Variants in RAB8B observed in about 807,000 individuals in gnomAD.
The protein encoded by RAB8B is ras-related protein Rab-8B.
A neutral mutation model predicts 32.0 loss-of-function variants in RAB8B; 11 were observed. The ratio of observed to expected loss-of-function variants is 0.34; its 90% confidence interval spans 0.22 to 0.57. The LOEUF is 0.57. Ranked by LOEUF, RAB8B falls within the 20% of genes least tolerant of loss-of-function variation. The probability of loss-of-function intolerance (pLI) is 0.86; values close to 1 mark genes in which losing one functional copy is unlikely to be tolerated. For missense variants in RAB8B, 190 were observed against 258.5 expected, an observed-to-expected ratio of 0.73 and a Z score of 1.82; for synonymous variants, 103 against 89.6, an observed-to-expected ratio of 1.15 and a Z score of -0.85.
chr15:63,213,380 T>G (rs1198435069), intron 1 of RAB8B, among the ~76,000 whole-genome samples: 1 of 152,190 alleles, frequency 6.6e-6, no homozygotes, highest in Non-Finnish European at 1.5e-5. Context: ...TGGTGCTTAG[T>G]AAATCATGGT....
At position 63,256,296 on chromosome 15, in the gene RAB8B, C is replaced by T. The variant is rs931932430; in HGVS notation, c.325-209C>T. Among the ~76,000 whole-genome samples, 9 of 152,138 alleles carry T rather than the reference C, an allele frequency of 5.9e-5. No individual in the cohort carries two copies. In the East Asian group the frequency reaches 9.6e-4, roughly 16 times the overall value. On this transcript the variant is annotated intron_variant, in intron 4 of 7. Transcript: ENST00000321437. ...TTTGTTCCACCTTCTTTCCAAACCT[C>T]GGGAAGAAGGTTTGCACAGGCTCTG...
At chr15:63,216,716 C>T (rs571579215) in intron 1 of RAB8B, among the ~76,000 whole-genome samples, 18 of 151,886 alleles carry the variant, frequency 1.2e-4, no homozygotes, top group African/African-American at 3.9e-4. Flanking sequence ...AAAAATTAGT[C>T]GGGCATGGTG....
chr15:63,195,228 A>G (rs2037590914), intron 1 of RAB8B, among the ~76,000 whole-genome samples: 1 of 152,240 alleles, frequency 6.6e-6, no homozygotes, highest in Non-Finnish European at 1.5e-5. Context: ...CCATCTAAGC[A>G]ATAGCATTGA....
chr15:63,244,766 T>G lies in RAB8B; in HGVS notation c.135T>G (p.Phe45Leu). 1 of 1,576,800 alleles carries G rather than the reference T, an allele frequency of 6.3e-7. No homozygotes were observed. The highest frequency in any genetic ancestry group is 8.7e-7 in the Non-Finnish European group (1 of 1,147,940). ...TTGTTTTTCTGGCAGGAATTGATTTTAAAATTAGAACGATAGAACTAGATG... is the reference window on the plus strand; with the variant it reads ...TTGTTTTTCTGGCAGGAATTGATTTGAAAATTAGAACGATAGAACTAGATG... ...TTFISTIGIDFKIRTIELDGK... is the reference protein window; with the variant it reads ...TTFISTIGIDLKIRTIELDGK... Residue 45 changes from phenylalanine to leucine, a missense_variant, in exon 2 of 8, where the codon TTT (phenylalanine) becomes TTG (leucine). By Grantham distance (22) the Phe-to-Leu change is conservative. This residue lies in a region of RAB8B where 80 missense variants were observed against 142.6 expected (regional missense o/e 0.56). Coordinates refer to ENST00000321437, the MANE Select transcript of RAB8B (RefSeq NM_016530.3).
intron 1 of RAB8B, among the ~76,000 whole-genome samples, chr15:63,229,509 T>C (rs1045572671): frequency 1.6e-4 from 24 of 152,062 alleles, no homozygotes; most frequent in African/African-American, 4.1e-4. Context: ...AAAGAAGGCA[T>C]GGTGGCTCAC....
chr15:63,201,581 A>G (rs538480551), intron 1 of RAB8B, among the ~76,000 whole-genome samples: 1 of 152,312 alleles, frequency 6.6e-6, no homozygotes, highest in African/African-American at 2.4e-5. Context: ...GTAGGGAGCC[A>G]CTGTAGGATC....
chr15:63,261,176 C>T (rs191445964), intron 6 of RAB8B, among the ~76,000 whole-genome samples: 10 of 152,214 alleles, frequency 6.6e-5, no homozygotes, highest in South Asian at 2.1e-4. Context: ...AAAAAATTCC[C>T]GACATCAGTA....
At chr15:63,238,567 C>T (rs1474711149) in intron 1 of RAB8B, among the ~76,000 whole-genome samples, 1 of 152,114 alleles carries the variant, frequency 6.6e-6, no homozygotes, top group Non-Finnish European at 1.5e-5. Context: ...GCAGCTCTTT[C>T]ATATAGATAT....
intron 1 of RAB8B, among the ~76,000 whole-genome samples, chr15:63,214,986 T>C (rs2037780263): frequency 1.3e-5 from 2 of 152,234 alleles, no homozygotes; most frequent in South Asian, 4.1e-4. Context: ...GTCAGGAGTT[T>C]GCAATCTTCA....
At chr15:63,234,163 C>G (rs1375296456) in intron 1 of RAB8B, among the ~76,000 whole-genome samples, 1 of 152,072 alleles carries the variant, frequency 6.6e-6, no homozygotes, top group African/African-American at 2.4e-5. Flanking sequence ...TGTGTGTGTT[C>G]TAAGCTGCAG....
chr15:63,200,455 T>A (rs2037638075), intron 1 of RAB8B, among the ~76,000 whole-genome samples: 1 of 152,120 alleles, frequency 6.6e-6, no homozygotes, highest in Non-Finnish European at 1.5e-5. Flanking sequence ...TGAGAAGAAA[T>A]GTATAAAGTA....
Position 63,257,796 on chromosome 15 carries a change from C to T in RAB8B, c.414+1202C>T, listed in dbSNP as rs552538309. Among the ~76,000 whole-genome samples, 17 of 152,072 alleles carry T rather than the reference C, an allele frequency of 1.1e-4. 2 individuals are homozygous for T. Among genetic ancestry groups the T allele is most frequent in the African/African-American group, 4.1e-4 (17 of 41,532 alleles). On this transcript the variant is annotated intron_variant, in intron 5 of 7. Coordinates refer to ENST00000321437, the MANE Select transcript of RAB8B (RefSeq NM_016530.3). ...TTAATTAAGGCCTGGCGCAGTGGCTCATACCTGTCATCCCAGCACTTTGGG... is the reference window on the plus strand; with the variant it reads ...TTAATTAAGGCCTGGCGCAGTGGCTTATACCTGTCATCCCAGCACTTTGGG...
Position 63,263,693 on chromosome 15 carries a change from C to A in RAB8B, c.*74C>A, listed in dbSNP as rs1567022794. On this transcript the variant is annotated 3_prime_UTR_variant, in exon 8 of 8. Coordinates refer to ENST00000321437, the MANE Select transcript of RAB8B (RefSeq NM_016530.3). ...TTCTCTGAAAGCACAGGTCACCCAG[C>A]CTCAGAATCACACCTCCCGGCTGCT... 1.6e-6 allele frequency: 2 copies of A among 1,238,916 alleles called. No individual in the cohort carries two copies. The highest frequency in any genetic ancestry group is 2.4e-6 in the Non-Finnish European group (2 of 849,634). The allele number at this position is 1,238,916 out of a possible 1,614,324, so 76.7% of individuals were successfully genotyped here.
chr15:63,233,387 T>A (rs1369902280), intron 1 of RAB8B, among the ~76,000 whole-genome samples: 1 of 152,176 alleles, frequency 6.6e-6, no homozygotes, highest in Non-Finnish European at 1.5e-5. Context: ...CATTCTTGAT[T>A]TATTTCTACC....
At chr15:63,237,700 C>T (rs1425392643) in intron 1 of RAB8B, among the ~76,000 whole-genome samples, 1 of 152,030 alleles carries the variant, frequency 6.6e-6, no homozygotes, top group Non-Finnish European at 1.5e-5. Flanking sequence ...TCACTTTGCT[C>T]ATTGTTTCCT....
intron 1 of RAB8B, among the ~76,000 whole-genome samples, chr15:63,201,851 T>C (rs541401962): frequency 6.6e-6 from 1 of 152,234 alleles, no homozygotes; most frequent in East Asian, 1.9e-4. Flanking sequence ...AGTTCTGGAC[T>C]GTACTCTAGC....
intron 1 of RAB8B, among the ~76,000 whole-genome samples, chr15:63,212,040 C>T (rs780742265): frequency 6.6e-6 from 1 of 152,094 alleles, no homozygotes; most frequent in Non-Finnish European, 1.5e-5. Context: ...TCTATGTTGC[C>T]TGGGCTGGTC....
chr15:63,216,227 A>AT (rs2037790257), intron 1 of RAB8B, among the ~76,000 whole-genome samples: 1 of 104,678 alleles, frequency 9.6e-6, no homozygotes. Flanking sequence ...TTAATTAATT[A>AT]ATTATTATTT....
chr15:63,199,109 C>T (rs925802055), intron 1 of RAB8B, among the ~76,000 whole-genome samples: 8 of 152,170 alleles, frequency 5.3e-5, no homozygotes, highest in African/African-American at 1.2e-4. Context: ...GGAATGACTC[C>T]AACCACTTTC....
Sources: gnomAD v4.1 joint callset for allele counts (sites outside exome capture counted in the v4.1 genomes callset) on GRCh38, gnomAD v4.1.1 for gene constraint, gnomAD v4.1.1 regional missense constraint, MANE v1.5 for transcripts, NCBI Gene and HGNC (gene_info 2026-07-23, HGNC 2026-07-21) for gene names.